The following ATRNL1 variants were observed in gnomAD, a reference collection of about 807,000 sequenced individuals.
ATRNL1 encodes the protein attractin like 1.
ATRNL1 carries 95 observed loss-of-function variants against 182.7 expected under a neutral mutation model. The observed-to-expected ratio is 0.52, with a 90% CI of 0.44 to 0.62. ATRNL1 has a LOEUF of 0.62. Ranked by LOEUF, ATRNL1 falls within the 20% of genes least tolerant of loss-of-function variation. The pLI, the probability that ATRNL1 is intolerant of heterozygous loss-of-function variation, is 0.00. For missense variants in ATRNL1, 1,471 were observed against 1,679.5 expected, an observed-to-expected ratio of 0.88 and a Z score of 2.17; for synonymous variants, 576 against 568.3, an observed-to-expected ratio of 1.01 and a Z score of -0.19.
intron 24 of ATRNL1, among the ~76,000 whole-genome samples, chr10:115,506,306 T>C (rs1439158205): frequency 6.6e-6 from 1 of 151,632 alleles, no homozygotes; most frequent in Non-Finnish European, 1.5e-5. Context: ...GAAGGAACAA[T>C]AAAAATAGGA....
At chr10:115,645,374 T>C (rs1395965172) in intron 26 of ATRNL1, among the ~76,000 whole-genome samples, 1 of 149,502 alleles carries the variant, frequency 6.7e-6, no homozygotes, top group Non-Finnish European at 1.5e-5. Flanking sequence ...TCTTTCTTCC[T>C]TGTTCCTCCT....
chr10:115,926,101 A>T (rs1287922564), intron 28 of ATRNL1, among the ~76,000 whole-genome samples: 3 of 152,214 alleles, frequency 2.0e-5, no homozygotes, highest in Non-Finnish European at 4.4e-5. Flanking sequence ...AGGATTAAGA[A>T]ATCCACTCAA....
At chr10:115,287,932 T>G (rs973387747) in intron 15 of ATRNL1, among the ~76,000 whole-genome samples, 9 of 149,818 alleles carry the variant, frequency 6.0e-5, no homozygotes, top group Non-Finnish European at 1.2e-4. Context: ...CTGTTTTTTT[T>G]TTTTTTTTTT....
intron 27 of ATRNL1, among the ~76,000 whole-genome samples, chr10:115,823,854 A>T (rs998001514): frequency 2.0e-5 from 3 of 152,222 alleles, no homozygotes; most frequent in Admixed American, 1.3e-4. Flanking sequence ...CATACTGCCC[A>T]AAGTAATTTG....
rs184838259 is a variant in ATRNL1 at position 115,687,147 on chromosome 10, A to T, written c.3796-40101A>T. ...GTCTCAGCAAAATGTTAAGTATATAATACATTAACTATACACATTATGCTA... is the reference window on the plus strand; with the variant it reads ...GTCTCAGCAAAATGTTAAGTATATATTACATTAACTATACACATTATGCTA... On this transcript the variant is annotated intron_variant, in intron 26 of 28. Transcript: ENST00000355044. 9.9e-5 allele frequency among the ~76,000 whole-genome samples: 15 copies of T among 152,196 alleles called. No homozygotes were observed. In the East Asian group the frequency reaches 2.5e-3, roughly 26 times the overall value.
chr10:115,529,667 TAGG>T (rs1258901655), intron 25 of ATRNL1, among the ~76,000 whole-genome samples: 5 of 152,066 alleles, frequency 3.3e-5, no homozygotes, highest in African/African-American at 1.2e-4. Flanking sequence ...CTGAATCATA[TAGG>T]AGAACTAAAA....
At chr10:115,943,410 A>G (rs1555124726) in intron 28 of ATRNL1, among the ~76,000 whole-genome samples, 1 of 152,224 alleles carries the variant, frequency 6.6e-6, no homozygotes, top group Non-Finnish European at 1.5e-5. Flanking sequence ...GCAAAGAAGT[A>G]TATCAAGAGG....
At chr10:115,661,635 C>T (rs1860689975) in intron 26 of ATRNL1, among the ~76,000 whole-genome samples, 1 of 151,964 alleles carries the variant, frequency 6.6e-6, no homozygotes, top group South Asian at 2.1e-4. Context: ...AATCTGTTTA[C>T]ATTAGATTAG....
chr10:115,808,325 G>T (rs1296699836), intron 27 of ATRNL1, among the ~76,000 whole-genome samples: 1 of 152,080 alleles, frequency 6.6e-6, no homozygotes, highest in Non-Finnish European at 1.5e-5. Flanking sequence ...TTAAACCAGT[G>T]CTAGGAAGAA....
chr10:115,397,940 A>G (rs1844368203), intron 20 of ATRNL1, among the ~76,000 whole-genome samples: 1 of 151,906 alleles, frequency 6.6e-6, no homozygotes, highest in South Asian at 2.1e-4. Flanking sequence ...GAGAGATGAG[A>G]CATGAACATT....
chr10:115,302,824 A>G (rs1853541173), intron 17 of ATRNL1, among the ~76,000 whole-genome samples: 1 of 139,142 alleles, frequency 7.2e-6, no homozygotes, highest in Non-Finnish European at 1.5e-5. Context: ...TTAGCCTTGT[A>G]GGAACTTAAG....
At chr10:115,371,209 T>TG (rs1592543880) in intron 19 of ATRNL1, among the ~76,000 whole-genome samples, 1 of 152,148 alleles carries the variant, frequency 6.6e-6, no homozygotes, top group African/African-American at 2.4e-5. Context: ...GAACCTCTGC[T>TG]GGGGCAGTGC....
At chr10:115,290,877 C>T (rs1387924514) in intron 15 of ATRNL1, among the ~76,000 whole-genome samples, 2 of 152,164 alleles carry the variant, frequency 1.3e-5, no homozygotes, top group East Asian at 1.9e-4. Flanking sequence ...AAGCTGGCTG[C>T]CCTACCTTAA....
intron 13 of ATRNL1, among the ~76,000 whole-genome samples, chr10:115,269,800 G>T (rs1851764188): frequency 6.6e-6 from 1 of 152,050 alleles, no homozygotes; most frequent in Non-Finnish European, 1.5e-5. Context: ...AGAAAAGGGA[G>T]TTGAAACTAA....
chr10:115,678,109 T>C (rs2133943750), intron 26 of ATRNL1, among the ~76,000 whole-genome samples: 1 of 152,260 alleles, frequency 6.6e-6, no homozygotes, highest in South Asian at 2.1e-4. Flanking sequence ...GGAGCCATCT[T>C]TGGCTGATTT....
intron 25 of ATRNL1, among the ~76,000 whole-genome samples, chr10:115,540,301 C>G (rs1197490624): frequency 2.0e-5 from 3 of 152,076 alleles, no homozygotes; most frequent in African/African-American, 7.2e-5. Flanking sequence ...GTGGGTAGCC[C>G]TCCCGCTGCA....
rs556990876 is a variant in ATRNL1, at chr10:115,164,782, A to G, written c.1005-776A>G. ...TCAGAGCTATAAAAGTTGATTTCAT[A>G]TAGGTGGAGAGTAGAATGGTGGCTA... On this transcript the variant is annotated intron_variant, in intron 6 of 28. Coordinates refer to ENST00000355044, the MANE Select transcript of ATRNL1 (RefSeq NM_207303.4). Among the ~76,000 whole-genome samples the G allele has an allele frequency of 3.3e-4, 50 of 152,240 alleles. 1 individual carries two copies. The highest frequency in any genetic ancestry group is 2.8e-3 in the Admixed American group (43 of 15,284).
At chr10:115,428,845 C>T (rs1485471683) in intron 21 of ATRNL1, among the ~76,000 whole-genome samples, 1 of 151,900 alleles carries the variant, frequency 6.6e-6, no homozygotes, top group African/African-American at 2.4e-5. Flanking sequence ...TTTTTATTTT[C>T]CTTGGGTAGA....
intron 26 of ATRNL1, among the ~76,000 whole-genome samples, chr10:115,637,822 A>C (rs1457829708): frequency 6.6e-6 from 1 of 151,712 alleles, no homozygotes; most frequent in Non-Finnish European, 1.5e-5. Flanking sequence ...ACAGAGTTTC[A>C]CCGTGTTGGT....
Sources: gnomAD v4.1 joint callset for allele counts (sites outside exome capture counted in the v4.1 genomes callset) on GRCh38, gnomAD v4.1.1 for gene constraint, MANE v1.5 for transcripts, NCBI Gene and HGNC (gene_info 2026-07-23, HGNC 2026-07-21) for gene names.